RTTN: variants seen among roughly 807,000 people sequenced by gnomAD.
RTTN encodes rotatin.
A neutral mutation model predicts 269.2 loss-of-function variants in RTTN; 182 were observed. The ratio of observed to expected loss-of-function variants is 0.68; its 90% confidence interval spans 0.60 to 0.76. RTTN has a LOEUF of 0.76. RTTN is among the 30% of genes least tolerant of loss of function. The probability of loss-of-function intolerance (pLI) is 0.00; values close to 1 mark genes in which losing one functional copy is unlikely to be tolerated. For synonymous variants in RTTN, 1,006 were observed against 963.5 expected, an observed-to-expected ratio of 1.04 and a Z score of -0.82; for missense variants, 2,545 against 2,608.6, an observed-to-expected ratio of 0.98 and a Z score of 0.53.
At chr18:70,202,049 T>C in intron 3 of RTTN, 66 bp from the exon 4 acceptor site, 1 of 903,236 alleles carries the variant, frequency 1.1e-6, no homozygotes, top group South Asian at 1.6e-5. Context: ...ACTTACTTTC[T>C]TTAAGTGGTA....
intron 32 of RTTN, among the ~76,000 whole-genome samples, chr18:70,085,621 C>T (rs2145176062): frequency 6.6e-6 from 1 of 152,288 alleles, no homozygotes; most frequent in South Asian, 2.1e-4. Flanking sequence ...AACAGCACAT[C>T]TTATATCCCC....
intron 37 of RTTN, among the ~76,000 whole-genome samples, chr18:70,054,947 A>C (rs2057774956): frequency 6.6e-6 from 1 of 152,332 alleles, no homozygotes; most frequent in East Asian, 1.9e-4. Context: ...GATTACAAAA[A>C]CACCCTTCAA....
chr18:70,200,227 A>G (rs2061913984), intron 4 of RTTN, among the ~76,000 whole-genome samples: 1 of 152,210 alleles, frequency 6.6e-6, no homozygotes, highest in Non-Finnish European at 1.5e-5. Flanking sequence ...ATTCCCAAAC[A>G]TAGCACAGTT....
chr18:70,085,751 C>T (rs923781254), intron 32 of RTTN, among the ~76,000 whole-genome samples: 8 of 152,168 alleles, frequency 5.3e-5, no homozygotes, highest in East Asian at 3.9e-4. Flanking sequence ...CGTGTTCTCA[C>T]GTATAAGTGG....
rs1438690598 is a variant in RTTN at position 70,099,740 on chromosome 18, C to T, written c.3904-6936G>A. On this transcript the variant is annotated intron_variant, in intron 28 of 48. Transcript: ENST00000640769. ...TCTAACATTTAAGTCTTTAATCCAT[C>T]TTGAATTAATTTTTGTGTAAGGTGT... is the stretch of plus-strand genomic sequence containing the variant. Among the ~76,000 whole-genome samples the T allele has an allele frequency of 2.0e-5, 3 of 152,170 alleles. No individual in the cohort carries two copies. In the South Asian group the frequency reaches 6.2e-4, roughly 31 times the overall value.
chr18:70,114,395 A>G, intron 27 of RTTN, 50 bp downstream of exon 27: 1 of 1,527,862 alleles, frequency 6.5e-7, no homozygotes, highest in South Asian at 1.2e-5. Context: ...ATCAAAGAAA[A>G]CTTGGGTTCT....
rs368062444 is a variant in RTTN at position 70,017,509 on chromosome 18, C to G, written c.6319G>C (p.Glu2107Gln). 2 of 1,613,928 alleles carry G rather than the reference C, an allele frequency of 1.2e-6. No individual in the cohort carries two copies. The highest frequency in any genetic ancestry group is 1.1e-5 in the South Asian group (1 of 91,082). Reference protein sequence around the residue: ...RLDGCLDLLTEMSKYKHKSSP... With the variant: ...RLDGCLDLLTQMSKYKHKSSP... ...CTCTTGTGCTTGTATTTGCTCATCT[C>G]TGTTAGTAAGTCTAGACAGCCATCA... is the stretch of plus-strand genomic sequence containing the variant. Residue 2107 changes from glutamate (E) to glutamine (Q), a missense_variant, in exon 46 of 49, where the codon GAG becomes CAG. Coordinates refer to ENST00000640769, the MANE Select transcript of RTTN (RefSeq NM_173630.4).
chr18:70,134,863 G>A (rs1210947215), intron 22 of RTTN, among the ~76,000 whole-genome samples: 8 of 152,042 alleles, frequency 5.3e-5, no homozygotes, highest in Admixed American at 4.6e-4. Flanking sequence ...AATATCTTCC[G>A]AGGTTTTTTA....
chr18:70,172,414 A>G (rs1308526073), intron 11 of RTTN, among the ~76,000 whole-genome samples: 1 of 152,240 alleles, frequency 6.6e-6, no homozygotes, highest in African/African-American at 2.4e-5. Context: ...TTAGTGGGCT[A>G]GCAACAGACA....
rs370751105 is a variant in RTTN, at chr18:70,020,754, G to A, written c.6014C>T (p.Ala2005Val). The change falls in exon 45 of 49, where the codon GCC becomes GTC. Residue 2005 changes from alanine to valine, a missense_variant. By Grantham distance (64) the Ala-to-Val change is moderately conservative (BLOSUM62 0). Transcript: ENST00000640769. The part of the protein sequence containing the change: ...QHPVQATHRG[A>V]VSNSLMLCIL... Reference sequence around the variant, plus strand: ...ACACAGCATCAGAGAGTTGCTCACGGCTCCTCTATGTGTAGCTTGAACAGG... The same window carrying A: ...ACACAGCATCAGAGAGTTGCTCACGACTCCTCTATGTGTAGCTTGAACAGG... The A allele has an allele frequency of 5.0e-5, 80 of 1,613,926 alleles. No homozygotes were observed. Among genetic ancestry groups the A allele is most frequent in the Non-Finnish European group, 6.5e-5 (77 of 1,179,942 alleles).
chr18:70,035,809 A>T (rs531985341), intron 40 of RTTN, among the ~76,000 whole-genome samples: 10 of 152,252 alleles, frequency 6.6e-5, no homozygotes, highest in Non-Finnish European at 1.5e-4. Flanking sequence ...CAAACTATGC[A>T]TCAGACAAAG....
chr18:70,180,591 GAAAA>G (rs34828958), intron 10 of RTTN, among the ~76,000 whole-genome samples: 1 of 95,072 alleles, frequency 1.1e-5, no homozygotes, highest in Non-Finnish European at 2.1e-5. Context: ...CTGGGGAAGA[GAAAA>G]AAAAAAAAAA....
At chr18:70,145,451 A>G (rs561382770) in intron 18 of RTTN, among the ~76,000 whole-genome samples, 161 bp downstream of exon 18, 62 of 152,278 alleles carry the variant, frequency 4.1e-4, no homozygotes, top group South Asian at 1.0e-3. Context: ...CAACGTATCT[A>G]GAAGCCAGAT....
In RTTN at chr18:70,075,511, G is replaced by A. The variant is rs1278224241; in HGVS notation, c.4405C>T (p.Leu1469=). Residue 1469 remains leucine, a synonymous_variant, in exon 33 of 49, where the codon CTA becomes TTA. Transcript: ENST00000640769. ...GPCVHDEDSG[L]SLIGKPALQA... ...AGGGCAGGTTTTCCAATGAGCGATA[G>A]GCCAGAGTCCTCATCATGAACACAG... The A allele has an allele frequency of 1.3e-6, 2 of 1,594,152 alleles. No individual in the cohort carries two copies. The highest frequency in any genetic ancestry group is 1.8e-5 in the Admixed American group (1 of 55,944).
intron 17 of RTTN, among the ~76,000 whole-genome samples, chr18:70,146,757 T>C (rs1386052213): frequency 6.6e-6 from 1 of 152,198 alleles, no homozygotes; most frequent in Non-Finnish European, 1.5e-5. Flanking sequence ...CATGTCTGTG[T>C]TGTGTGCTGC....
chr18:70,134,990 A>T (rs1488603054), intron 22 of RTTN, among the ~76,000 whole-genome samples, 194 bp downstream of exon 22: 1 of 152,200 alleles, frequency 6.6e-6, no homozygotes, highest in Admixed American at 6.5e-5. Flanking sequence ...TTTAAAAATA[A>T]AATTTGAGAT....
chr18:70,196,469 C>T, intron 7 of RTTN, 32 bp downstream of exon 7: 1 of 1,580,214 alleles, frequency 6.3e-7, no homozygotes, highest in East Asian at 2.3e-5. Context: ...ACAAATAACA[C>T]CAGTGGCTAA....
At chr18:70,115,838 G>T (rs1383141158) in intron 26 of RTTN, among the ~76,000 whole-genome samples, 2 of 151,834 alleles carry the variant, frequency 1.3e-5, no homozygotes, top group Non-Finnish European at 2.9e-5. Context: ...TTAGGGAAAA[G>T]AAATGAAAAT....
At chr18:70,123,593 C>A (rs559887358) in intron 25 of RTTN, among the ~76,000 whole-genome samples, 1 of 152,080 alleles carries the variant, frequency 6.6e-6, no homozygotes, top group Non-Finnish European at 1.5e-5. Context: ...GTATTTGTTT[C>A]TCTGTGTGCC....
Sources: gnomAD v4.1 joint callset for allele counts (sites outside exome capture counted in the v4.1 genomes callset) on GRCh38, gnomAD v4.1.1 for gene constraint, MANE v1.5 for transcripts, NCBI Gene and HGNC (gene_info 2026-07-23, HGNC 2026-07-21) for gene names.